Variants in RNPEP observed in about 807,000 individuals in gnomAD.
RNPEP encodes the protein aminopeptidase B.
Under a neutral mutation model 70.1 loss-of-function variants are expected in RNPEP, and 57 were observed. That is an observed-to-expected ratio of 0.81 (90% CI 0.66 to 1.01). The LOEUF (loss-of-function observed/expected upper bound fraction) is 1.01. Ranked by LOEUF, RNPEP falls within the 50% of genes least tolerant of loss-of-function variation. The pLI, the probability that RNPEP is intolerant of heterozygous loss-of-function variation, is 0.00. For missense variants in RNPEP, 787 were observed against 852.4 expected, an observed-to-expected ratio of 0.92 and a Z score of 0.96; for synonymous variants, 335 against 357.4, an observed-to-expected ratio of 0.94 and a Z score of 0.71.
chr1:201,983,762 A>T (rs1362897432), intron 1 of RNPEP: 45 of 1,101,392 alleles, frequency 4.1e-5, no homozygotes, highest in Non-Finnish European at 4.9e-5. Flanking sequence ...TAACTCTTTA[A>T]TTTTTTTTCG....
At chr1:202,005,014 A>G (rs1683996484) in intron 10 of RNPEP, among the ~76,000 whole-genome samples, 1 of 152,216 alleles carries the variant, frequency 6.6e-6, no homozygotes, top group Non-Finnish European at 1.5e-5. Flanking sequence ...GAGACGAAGC[A>G]TTGCTCTGCA....
At chr1:201,988,180 C>T (rs183813243) in intron 1 of RNPEP, among the ~76,000 whole-genome samples, 130 of 150,658 alleles carry the variant, frequency 8.6e-4, no homozygotes, top group Admixed American at 4.0e-3. Flanking sequence ...GTATATTAGG[C>T]TGAGCATGAT....
At chr1:201,993,161 GTCCT>G (rs1385093808) in intron 3 of RNPEP, among the ~76,000 whole-genome samples, 2 of 152,176 alleles carry the variant, frequency 1.3e-5, no homozygotes, top group East Asian at 1.9e-4. Context: ...TGCAACAAAG[GTCCT>G]TCCTTCTGTT....
chr1:202,004,548 C>G, intron 10 of RNPEP, 52 bp downstream of exon 10: 1 of 1,599,560 alleles, frequency 6.3e-7, no homozygotes, highest in Non-Finnish European at 8.5e-7. Context: ...ACCCACTCGG[C>G]CATATGTGAA....
chr1:201,993,674 G>C (rs962484790), intron 3 of RNPEP, among the ~76,000 whole-genome samples: 3 of 152,082 alleles, frequency 2.0e-5, no homozygotes, highest in Non-Finnish European at 4.4e-5. Flanking sequence ...AGCTACTTGG[G>C]AGGCTGAGGC....
At chr1:201,985,168 G>C (rs979872123) in intron 1 of RNPEP, among the ~76,000 whole-genome samples, 1 of 148,498 alleles carries the variant, frequency 6.7e-6, no homozygotes. Flanking sequence ...ATTCCAGCCT[G>C]GGTGACACAG....
chr1:201,983,403 T>C, intron 1 of RNPEP: 2 of 1,492,792 alleles, frequency 1.3e-6, no homozygotes, highest in Non-Finnish European at 1.8e-6. Context: ...CTTGTCCAGA[T>C]TGCGCCGCAT....
chr1:201,983,357 T>G, intron 1 of RNPEP: 1 of 1,494,958 alleles, frequency 6.7e-7, no homozygotes, highest in Non-Finnish European at 8.9e-7. Flanking sequence ...CCTTCACCCT[T>G]TCCGTCCTTC....
At chr1:201,991,109 G>A (rs1283712987) in intron 3 of RNPEP, among the ~76,000 whole-genome samples, 2 of 151,928 alleles carry the variant, frequency 1.3e-5, no homozygotes, top group South Asian at 2.1e-4. Context: ...GGGTCTTGTG[G>A]GGGGTTATTT....
intron 3 of RNPEP, among the ~76,000 whole-genome samples, chr1:201,990,863 C>T (rs948956835): frequency 1.3e-5 from 2 of 152,096 alleles, no homozygotes; most frequent in Non-Finnish European, 2.9e-5. Flanking sequence ...AAAGGAACGT[C>T]GTTTCCAAGA....
At chr1:201,998,011 C>T (rs567182959) in intron 5 of RNPEP, among the ~76,000 whole-genome samples, 8 of 152,166 alleles carry the variant, frequency 5.3e-5, no homozygotes, top group Non-Finnish European at 1.2e-4. Flanking sequence ...GATCCAACCT[C>T]CTCGGCCTCT....
rs918350706 is a variant in RNPEP, at chr1:201,988,860, C to G, written c.448-44C>G. The G allele has an allele frequency of 2.5e-6, 4 of 1,573,688 alleles. No individual in the cohort carries two copies. The Admixed American group carries it at 7.2e-5, about 28-fold the overall frequency. ...CTCACTTCTCTGGCCAGACTGAGCT[C>G]GTGTGGGAGATGTCAGTTCTGAAAT... On this transcript the variant is annotated intron_variant, in intron 1 of 10. Transcript: ENST00000295640.
chr1:201,989,507 T>C lies in RNPEP; in HGVS notation c.713T>C (p.Leu238Pro). Residue 238 changes from leucine (L) to proline (P), a missense_variant, in exon 3 of 11, where the codon CTG becomes CCG. Leu to Pro is a moderately conservative substitution (Grantham distance 98). Coordinates refer to ENST00000295640, the MANE Select transcript of RNPEP (RefSeq NM_020216.4). ...SYLIALAIGD[L>P]VSAEVGPRSR... ...CTGATAGCTTTGGCCATCGGAGATCTGGTTTCGGCTGAAGTTGGACCCAGG... is the reference window on the plus strand; with the variant it reads ...CTGATAGCTTTGGCCATCGGAGATCCGGTTTCGGCTGAAGTTGGACCCAGG... The C allele has an allele frequency of 6.2e-7, 1 of 1,614,186 alleles. No individual in the cohort carries two copies. The highest frequency in any genetic ancestry group is 8.5e-7 in the Non-Finnish European group (1 of 1,180,030).
intron 1 of RNPEP, among the ~76,000 whole-genome samples, chr1:201,988,457 CAAAA>C (rs142459545): frequency 3.5e-5 from 4 of 114,372 alleles, no homozygotes; most frequent in Non-Finnish European, 3.6e-5. Flanking sequence ...TACTCTGTCT[CAAAA>C]AAAAAAAAAA....
chr1:202,001,648 C>T lies in RNPEP; in HGVS notation c.1318-11C>T, dbSNP rs946258600. On this transcript the variant is annotated splice_polypyrimidine_tract_variant and intron_variant, in intron 7 of 10. Transcript: ENST00000295640. ...GCCAGAGAGGGTCTAAAGAGCTTTCCCTCCTCACAGGCCTATGTGCATGAA... is the reference window on the plus strand; with the variant it reads ...GCCAGAGAGGGTCTAAAGAGCTTTCTCTCCTCACAGGCCTATGTGCATGAA... 2 of 1,601,188 alleles carry T rather than the reference C, an allele frequency of 1.2e-6. No homozygotes were observed. Among genetic ancestry groups the T allele is most frequent in the East Asian group, 2.2e-5 (1 of 44,822 alleles).
At chr1:201,985,608 C>T (rs527964511) in intron 1 of RNPEP, among the ~76,000 whole-genome samples, 2 of 152,158 alleles carry the variant, frequency 1.3e-5, no homozygotes, top group African/African-American at 4.8e-5. Flanking sequence ...GTACCTCCTA[C>T]ATACACATAT....
Position 202,006,051 on chromosome 1 carries a change from T to C in RNPEP, c.*335T>C. On this transcript the variant is annotated 3_prime_UTR_variant, in exon 11 of 11. Coordinates refer to ENST00000295640, the MANE Select transcript of RNPEP (RefSeq NM_020216.4). ...TCTTCTTTTTTCTCTTTCTGTCCTT[T>C]TTCTTGCTGATTTTATGCAAAGGGC... The C allele has an allele frequency of 4.2e-6, 1 of 239,418 alleles. No homozygotes were observed. The highest frequency in any genetic ancestry group is 8.2e-6 in the Non-Finnish European group (1 of 122,182). The allele number at this position is 239,418 out of a possible 1,614,324, so 14.8% of individuals were successfully genotyped here.
At chr1:201,987,176 C>G (rs944793045) in intron 1 of RNPEP, among the ~76,000 whole-genome samples, 4 of 152,132 alleles carry the variant, frequency 2.6e-5, no homozygotes, top group African/African-American at 9.7e-5. Flanking sequence ...TGCCTCTCCT[C>G]ATGTTGCTGC....
intron 8 of RNPEP, among the ~76,000 whole-genome samples, chr1:202,002,856 G>A (rs61821543): frequency 0.35 from 53,055 of 152,038 alleles, 10,761 homozygotes; most frequent in Non-Finnish European, 0.44. Flanking sequence ...TAACATGCCC[G>A]TGGCCTCCCA....
Sources: gnomAD v4.1 joint callset for allele counts (sites outside exome capture counted in the v4.1 genomes callset) on GRCh38, gnomAD v4.1.1 for gene constraint, MANE v1.5 for transcripts, NCBI Gene and HGNC (gene_info 2026-07-23, HGNC 2026-07-21) for gene names.